Variants in METAP1 observed in about 807,000 individuals in gnomAD.
METAP1 encodes the protein methionyl aminopeptidase 1.
In METAP1, 28 loss-of-function variants were observed where a neutral mutation model predicts 53.8. That is an observed-to-expected ratio of 0.52 (90% CI 0.39 to 0.71). The LOEUF (loss-of-function observed/expected upper bound fraction) is 0.71, where lower values mean the gene tolerates loss of function less well. Among genes scored for constraint, METAP1 ranks in the 30% least tolerant of loss-of-function variants. The pLI, the probability that METAP1 is intolerant of heterozygous loss-of-function variation, is 0.00. For missense variants in METAP1, 389 were observed against 479.8 expected (o/e 0.81, Z 1.77); for synonymous variants, 181 against 165.7 (o/e 1.09, Z -0.71).
In METAP1 at chr4:99,022,962, G is replaced by A. The variant is rs1417599158; in HGVS notation, c.115-5905G>A. 6.7e-6 allele frequency: 10 copies of A among 1,485,128 alleles called. No homozygotes were observed. The East Asian group carries it at 2.6e-4, about 39-fold the overall frequency. The allele number at this position is 1,485,128 out of a possible 1,614,324, so 92.0% of individuals were successfully genotyped here. A position where few individuals can be genotyped will look rare whatever the true frequency, so the allele number is the denominator to read the frequency against. On this transcript the variant is annotated intron_variant, in intron 1 of 10. Coordinates refer to ENST00000296411, the MANE Select transcript of METAP1 (RefSeq NM_015143.3). ...GAAGGTTGCGGACATGTAGGGGCTG[G>A]AAGTGTGGTGGGATATGGCCCAGGT...
In METAP1 at chr4:99,014,258, G is replaced by T. The variant is rs139170261; in HGVS notation, c.115-14609G>T. 2.7e-3 allele frequency among the ~76,000 whole-genome samples: 412 copies of T among 152,318 alleles called. 1 individual carries two copies. Among genetic ancestry groups the T allele is most frequent in the Non-Finnish European group, 4.7e-3 (317 of 68,032 alleles). On this transcript the variant is annotated intron_variant, in intron 1 of 10. Transcript: ENST00000296411. ...GCTAGCTTGTTTGATAAAGCAGTAA[G>T]TCCCTCTAGGGCTCTTGTTATACTT...
At chr4:99,001,294 T>G (rs1722914842) in intron 1 of METAP1, among the ~76,000 whole-genome samples, 2 of 152,182 alleles carry the variant, frequency 1.3e-5, no homozygotes, top group Non-Finnish European at 2.9e-5. Flanking sequence ...TAGCTTCTTA[T>G]AAGCAAAAAG....
chr4:99,043,217 ATAT>A (rs1489256436), intron 6 of METAP1, 29 bp from the exon 7 acceptor site: 4 of 1,446,634 alleles, frequency 2.8e-6, no homozygotes, highest in Non-Finnish European at 3.7e-6. Context: ...TTTTTCTTTT[ATAT>A]ATTCCAAATT....
intron 1 of METAP1, among the ~76,000 whole-genome samples, 157 bp downstream of exon 1, chr4:98,996,024 C>T (rs900119459): frequency 1.3e-5 from 2 of 152,214 alleles, no homozygotes; most frequent in African/African-American, 4.8e-5. Context: ...GCCACCGCCC[C>T]CTCCTGCCTC....
chr4:99,033,219 T>C (rs1725174308), intron 2 of METAP1, among the ~76,000 whole-genome samples: 1 of 152,132 alleles, frequency 6.6e-6, no homozygotes, highest in Non-Finnish European at 1.5e-5. Context: ...CTTCATTTTG[T>C]ATTTTAAATA....
intron 3 of METAP1, among the ~76,000 whole-genome samples, chr4:99,035,028 A>G (rs947405869): frequency 4.6e-5 from 7 of 152,208 alleles, no homozygotes; most frequent in Non-Finnish European, 8.8e-5. Flanking sequence ...TAGGAAAAGC[A>G]TAACAAAATC....
At chr4:99,056,923 C>T (rs970652339) in intron 9 of METAP1, among the ~76,000 whole-genome samples, 4 of 152,116 alleles carry the variant, frequency 2.6e-5, no homozygotes, top group Admixed American at 6.6e-5. Flanking sequence ...AGTGCAGTGG[C>T]GCAATTGATC....
Position 99,062,115 on chromosome 4 carries a change from G to C in METAP1, c.*798G>C, listed in dbSNP as rs1461759595. 2.0e-5 allele frequency: 3 copies of C among 152,160 alleles called. No individual in the cohort carries two copies. The highest frequency in any genetic ancestry group is 4.4e-5 in the Non-Finnish European group (3 of 68,042). 9.4% of individuals were successfully genotyped at this position (152,160 alleles called of 1,614,324 possible). On this transcript the variant is annotated 3_prime_UTR_variant, in exon 11 of 11. Transcript: ENST00000296411. ...CACTGCTATTTCAGACCTCTGTTTGGTCAGAAATGGAAAAGAAAAAGCCCC... is the reference window on the plus strand; with the variant it reads ...CACTGCTATTTCAGACCTCTGTTTGCTCAGAAATGGAAAAGAAAAAGCCCC...
chr4:99,057,365 T>C (rs1727229715), intron 9 of METAP1, among the ~76,000 whole-genome samples: 1 of 152,244 alleles, frequency 6.6e-6, no homozygotes, highest in Non-Finnish European at 1.5e-5. Flanking sequence ...TCCTTTGAGC[T>C]TCTCTACCCG....
At chr4:99,044,349 G>A (rs1324945706) in intron 7 of METAP1, among the ~76,000 whole-genome samples, 1 of 152,188 alleles carries the variant, frequency 6.6e-6, no homozygotes, top group Non-Finnish European at 1.5e-5. Context: ...TTGACTGATT[G>A]TGATGCTAGC....
chr4:99,033,102 T>C (rs1725165429), intron 2 of METAP1, among the ~76,000 whole-genome samples: 1 of 152,204 alleles, frequency 6.6e-6, no homozygotes, highest in Non-Finnish European at 1.5e-5. Flanking sequence ...TCACAGCTCT[T>C]GTGAACCACA....
At chr4:99,022,078 G>A (rs943568512) in intron 1 of METAP1, among the ~76,000 whole-genome samples, 4 of 152,184 alleles carry the variant, frequency 2.6e-5, no homozygotes, top group African/African-American at 9.7e-5. Context: ...GTCAAAACAA[G>A]CATATGCAGT....
At chr4:99,050,407 A>G (rs150814178) in intron 9 of METAP1, among the ~76,000 whole-genome samples, 2 of 152,322 alleles carry the variant, frequency 1.3e-5, no homozygotes, top group African/African-American at 4.8e-5. Flanking sequence ...AGTTCTGAAG[A>G]TAGTTGGCCT....
chr4:99,022,797 G>T, intron 1 of METAP1: 2 of 1,597,556 alleles, frequency 1.3e-6, no homozygotes, highest in East Asian at 2.3e-5. Flanking sequence ...CGCTTGTCAC[G>T]GAACTCCACC....
At chr4:99,015,545 C>T (rs990105672) in intron 1 of METAP1, among the ~76,000 whole-genome samples, 8 of 152,158 alleles carry the variant, frequency 5.3e-5, no homozygotes, top group African/African-American at 1.9e-4. Flanking sequence ...CAGTACAAAC[C>T]CCTCCTGTAG....
rs184423204 is a variant in METAP1 at position 99,061,948 on chromosome 4, A to T, written c.*631A>T. ...CACTCACCCAATGAGACTTTCTCCA[A>T]TGTGGACTCTGTGTGTCAGTGAATG... On this transcript the variant is annotated 3_prime_UTR_variant, in exon 11 of 11. Coordinates refer to ENST00000296411, the MANE Select transcript of METAP1 (RefSeq NM_015143.3). The T allele has an allele frequency of 6.6e-6, 1 of 152,200 alleles. No homozygotes were observed. The highest frequency in any genetic ancestry group is 2.4e-5 in the African/African-American group (1 of 41,444). The allele number at this position is 152,200 out of a possible 1,614,324, so 9.4% of individuals were successfully genotyped here.
intron 1 of METAP1, among the ~76,000 whole-genome samples, chr4:99,016,623 G>A (rs755361730): frequency 1.7e-4 from 26 of 152,216 alleles, no homozygotes; most frequent in Non-Finnish European, 2.5e-4. Flanking sequence ...GAGTGATGTG[G>A]TCTACTATCA....
intron 1 of METAP1, among the ~76,000 whole-genome samples, chr4:99,012,762 C>T (rs1396691983): frequency 6.7e-6 from 1 of 148,802 alleles, no homozygotes; most frequent in African/African-American, 2.5e-5. Flanking sequence ...AAAACATGTA[C>T]CCAAGGTGGT....
At chr4:99,017,368 C>T (rs1372025057) in intron 1 of METAP1, among the ~76,000 whole-genome samples, 2 of 152,200 alleles carry the variant, frequency 1.3e-5, no homozygotes, top group Admixed American at 6.5e-5. Context: ...TCACAGCCTT[C>T]GGCGGAATAG....
Sources: allele counts gnomAD v4.1 joint callset (sites outside exome capture counted in the v4.1 genomes callset), GRCh38; gene constraint gnomAD v4.1.1; transcripts MANE v1.5; gene names NCBI Gene and HGNC (gene_info 2026-07-23, HGNC 2026-07-21).